YWHAB: variants seen among roughly 807,000 people sequenced by gnomAD.
YWHAB encodes 14-3-3 protein beta/alpha.
Under a neutral mutation model 28.5 loss-of-function variants are expected in YWHAB, and 2 were observed. The observed-to-expected ratio is 0.07, with a 90% CI of 0.03 to 0.22. The LOEUF (loss-of-function observed/expected upper bound fraction) is 0.22, where lower values mean the gene tolerates loss of function less well. Among genes scored for constraint, YWHAB ranks in the 10% least tolerant of loss-of-function variants. YWHAB has a pLI of 1.00. For synonymous variants in YWHAB, 103 were observed against 104.7 expected (o/e 0.98, Z 0.10); for missense variants, 148 against 297.1 (o/e 0.50, Z 3.69).
rs1056922002 is a variant in YWHAB at position 44,906,713 on chromosome 20, CTG to C, written c.*278_*279del. 4.2e-6 allele frequency: 1 copy of C among 238,876 alleles called. No individual in the cohort carries two copies. The highest frequency in any genetic ancestry group is 2.2e-5 in the African/African-American group (1 of 44,776). The allele number at this position is 238,876 out of a possible 1,614,324, so 14.8% of individuals were successfully genotyped here. A position where few individuals can be genotyped will look rare whatever the true frequency, so the allele number is the denominator to read the frequency against. ...TGTTTAATTTTTTAAAAACTGAACA[CTG>C]TGATTATGGGGTTTTGTAATTTAGC... On this transcript the variant is annotated 3_prime_UTR_variant, in exon 6 of 6. Coordinates refer to ENST00000353703, the MANE Select transcript of YWHAB (RefSeq NM_139323.4).
rs750604097 is a variant in YWHAB, at chr20:44,906,001, G to A, written c.589G>A (p.Ala197Thr). Residue 197 changes from alanine to threonine, a missense_variant and splice_region_variant, in exon 5 of 6, where the codon GCA becomes ACA. Around this residue, in one of 2 missense-constraint regions of YWHAB, gnomAD observed 38 missense variants for 119.2 expected, o/e 0.32. Transcript: ENST00000353703. Reference sequence around the variant, plus strand: ...CTTTGCTAAAGGCTCTTTGTTTTAGGCATTTGATGAAGCAATTGCTGAATT... The same window carrying A: ...CTTTGCTAAAGGCTCTTTGTTTTAGACATTTGATGAAGCAATTGCTGAATT... ...PEKACSLAKT[A>T]FDEAIAELDT... The A allele has an allele frequency of 6.2e-7, 1 of 1,611,744 alleles. No individual in the cohort carries two copies. The highest frequency in any genetic ancestry group is 1.1e-5 in the South Asian group (1 of 90,936).
Position 44,906,777 on chromosome 20 carries a change from T to C in YWHAB, c.*339T>C, listed in dbSNP as rs2066660367. Reference sequence around the variant, plus strand: ...TGGTAGAAAAAATAGACCTGAATTATGTGTAACTTTTTGGAAGGTTTAATC... The same window carrying C: ...TGGTAGAAAAAATAGACCTGAATTACGTGTAACTTTTTGGAAGGTTTAATC... On this transcript the variant is annotated 3_prime_UTR_variant, in exon 6 of 6. Coordinates refer to ENST00000353703, the MANE Select transcript of YWHAB (RefSeq NM_139323.4). 5.7e-6 allele frequency: 1 copy of C among 175,452 alleles called. No homozygotes were observed. The highest frequency in any genetic ancestry group is 1.2e-5 in the Non-Finnish European group (1 of 81,224). The allele number at this position is 175,452 out of a possible 1,614,324, so 10.9% of individuals were successfully genotyped here.
intron 1 of YWHAB, chr20:44,887,323 G>A (rs1233271061): frequency 6.6e-6 from 1 of 152,214 alleles, no homozygotes; most frequent in African/African-American, 2.4e-5. Context: ...TGTAGCAACT[G>A]CAGAATTATT....
chr20:44,892,157 C>A (rs1402309214), intron 1 of YWHAB, among the ~76,000 whole-genome samples: 1 of 152,210 alleles, frequency 6.6e-6, no homozygotes, highest in African/African-American at 2.4e-5. Context: ...TCTGTGAATG[C>A]TGTTCAGAAT....
In YWHAB at chr20:44,888,299, T is replaced by C. The variant is rs149208015; in HGVS notation, c.-4+2413T>C. ...TCAGACAATTAGTCTATAATAATAG[T>C]TACCACTTACAGTACTTACTGTGTG... On this transcript the variant is annotated intron_variant, in intron 1 of 5. Transcript: ENST00000353703. Among the ~76,000 whole-genome samples, 1,053 of 152,360 alleles carry C rather than the reference T, an allele frequency of 6.9e-3. 5 individuals are homozygous for C. The highest frequency in any genetic ancestry group is 0.011 in the Non-Finnish European group (745 of 68,032).
chr20:44,898,654 C>T (rs1568931353), intron 1 of YWHAB, among the ~76,000 whole-genome samples: 2 of 151,986 alleles, frequency 1.3e-5, no homozygotes, highest in Admixed American at 1.3e-4. Flanking sequence ...ACTATAGGCA[C>T]GTGCACTGTG....
In YWHAB at chr20:44,901,515, C is replaced by G. The variant is rs780925930; in HGVS notation, c.-3-16C>G. 1.3e-6 allele frequency: 2 copies of G among 1,561,882 alleles called. No individual in the cohort carries two copies. The highest frequency in any genetic ancestry group is 1.8e-5 in the Admixed American group (1 of 54,710). On this transcript the variant is annotated splice_polypyrimidine_tract_variant and intron_variant, in intron 1 of 5. Coordinates refer to ENST00000353703, the MANE Select transcript of YWHAB (RefSeq NM_139323.4). ...CCTGACATTTGCTCTTTCTTTTTCT[C>G]TTGCTCTTGTTCTAGGGAATGACAA...
At chr20:44,894,359 A>G (rs1481712919) in intron 1 of YWHAB, among the ~76,000 whole-genome samples, 1 of 152,222 alleles carries the variant, frequency 6.6e-6, no homozygotes, top group East Asian at 1.9e-4. Flanking sequence ...TAGGAGACAA[A>G]TAAAGAGTAT....
chr20:44,906,651 A>T lies in YWHAB; in HGVS notation c.*213A>T. The T allele has an allele frequency of 2.7e-6, 1 of 373,484 alleles. No individual in the cohort carries two copies. Among genetic ancestry groups the T allele is most frequent in the East Asian group, 3.9e-5 (1 of 25,622 alleles). 23.1% of individuals were successfully genotyped at this position (373,484 alleles called of 1,614,324 possible). A position where few individuals can be genotyped will look rare whatever the true frequency, so the allele number is the denominator to read the frequency against. ...TCACATAAATGCCACGGCATTCCGA[A>T]GTTTTGATTTTGATTAACATTGACA... is the stretch of plus-strand genomic sequence containing the variant. On this transcript the variant is annotated 3_prime_UTR_variant, in exon 6 of 6. Transcript: ENST00000353703.
rs1330683224 is a variant in YWHAB at position 44,885,743 on chromosome 20, AG to A, written c.-146del. ...CCGCCACCGCCGCCGCCGATTCCGGAGCCGGGGTAGTCGCCGCCGCCGCCGC... is the reference window on the plus strand; with the variant it reads ...CCGCCACCGCCGCCGCCGATTCCGGACCGGGGTAGTCGCCGCCGCCGCCGC... On this transcript the variant is annotated 5_prime_UTR_variant, in exon 1 of 6. Coordinates refer to ENST00000353703, the MANE Select transcript of YWHAB (RefSeq NM_139323.4). The A allele has an allele frequency of 5.8e-6, 1 of 172,328 alleles. No homozygotes were observed. Among genetic ancestry groups the A allele is most frequent in the Non-Finnish European group, 1.2e-5 (1 of 85,958 alleles). 10.7% of individuals were successfully genotyped at this position (172,328 alleles called of 1,614,324 possible).
At chr20:44,899,273 G>C (rs1423371222) in intron 1 of YWHAB, among the ~76,000 whole-genome samples, 1 of 152,236 alleles carries the variant, frequency 6.6e-6, no homozygotes, top group Non-Finnish European at 1.5e-5. Flanking sequence ...GAGTTTAGGA[G>C]TTCAAGACCA....
intron 2 of YWHAB, 79 bp downstream of exon 2, chr20:44,901,912 C>A: frequency 6.9e-7 from 1 of 1,440,756 alleles, no homozygotes; most frequent in Non-Finnish European, 9.2e-7. Context: ...ACTCTCAAAA[C>A]AGCTTATGAG....
At chr20:44,900,392 T>C (rs2066619646) in intron 1 of YWHAB, among the ~76,000 whole-genome samples, 1 of 152,188 alleles carries the variant, frequency 6.6e-6, no homozygotes, top group African/African-American at 2.4e-5. Context: ...TCATGCCACT[T>C]GTAAGTAAGT....
At chr20:44,889,302 T>C (rs1411177904) in intron 1 of YWHAB, among the ~76,000 whole-genome samples, 4 of 152,194 alleles carry the variant, frequency 2.6e-5, no homozygotes, top group Non-Finnish European at 5.9e-5. Context: ...CTAAAAGTGC[T>C]TTCTGTCTCA....
At chr20:44,889,793 C>G (rs1187649289) in intron 1 of YWHAB, among the ~76,000 whole-genome samples, 1 of 152,182 alleles carries the variant, frequency 6.6e-6, no homozygotes, top group East Asian at 1.9e-4. Context: ...TAAAATTTCA[C>G]TGTAACAACC....
intron 1 of YWHAB, 64 bp from the exon 2 acceptor site, chr20:44,901,467 C>T: frequency 1.4e-6 from 2 of 1,480,550 alleles, no homozygotes; most frequent in Non-Finnish European, 9.1e-7. Context: ...AGAAGATTCA[C>T]ACACGTTTCC....
chr20:44,905,145 T>A lies in YWHAB; in HGVS notation c.588+14T>A. The A allele has an allele frequency of 4.4e-6, 7 of 1,598,018 alleles. No homozygotes were observed. The highest frequency in any genetic ancestry group is 6.0e-6 in the Non-Finnish European group (7 of 1,173,868). Reference sequence around the variant, plus strand: ...CTGGCAAAAACGGTGAGAAAGACCCTTTGTGATATCTAACCATAGCAAAAC... The same window carrying A: ...CTGGCAAAAACGGTGAGAAAGACCCATTGTGATATCTAACCATAGCAAAAC... On this transcript the variant is annotated intron_variant, in intron 4 of 5. Transcript: ENST00000353703.
chr20:44,894,598 A>C (rs2066584770), intron 1 of YWHAB, among the ~76,000 whole-genome samples: 1 of 152,274 alleles, frequency 6.6e-6, no homozygotes, highest in Admixed American at 6.5e-5. Flanking sequence ...ATTTAAAAAG[A>C]AAATTCAAGC....
At chr20:44,894,892 TC>T (rs1370555061) in intron 1 of YWHAB, among the ~76,000 whole-genome samples, 1 of 152,262 alleles carries the variant, frequency 6.6e-6, no homozygotes, top group Non-Finnish European at 1.5e-5. Flanking sequence ...TACTCTGTGT[TC>T]CTTGTGCTCT....
Sources: gnomAD v4.1 joint callset for allele counts (sites outside exome capture counted in the v4.1 genomes callset) on GRCh38, gnomAD v4.1.1 for gene constraint, gnomAD v4.1.1 regional missense constraint, MANE v1.5 for transcripts, NCBI Gene and HGNC (gene_info 2026-07-23, HGNC 2026-07-21) for gene names.